INPP5A: variants seen among roughly 807,000 people sequenced by gnomAD.
INPP5A encodes inositol polyphosphate-5-phosphatase A.
Under a neutral mutation model 65.2 loss-of-function variants are expected in INPP5A, and 14 were observed. The observed-to-expected ratio is 0.21, with a 90% CI of 0.14 to 0.34. INPP5A has a LOEUF of 0.34. Ranked by LOEUF, INPP5A falls within the 10% of genes least tolerant of loss-of-function variation. INPP5A has a pLI of 1.00. For synonymous variants in INPP5A, 207 were observed against 208.3 expected, an observed-to-expected ratio of 0.99 and a Z score of 0.05; for missense variants, 431 against 545.6, an observed-to-expected ratio of 0.79 and a Z score of 2.09.
At chr10:132,625,645 C>G (rs557631365) in intron 2 of INPP5A, among the ~76,000 whole-genome samples, 1 of 152,272 alleles carries the variant, frequency 6.6e-6, no homozygotes, top group Admixed American at 6.5e-5. Context: ...AGGGGTGACC[C>G]CTGGCCAGTC....
chr10:132,782,000 CGTTT>C, intron 15 of INPP5A, 33 bp from the exon 16 acceptor site: 4 of 1,611,434 alleles, frequency 2.5e-6, no homozygotes, highest in Non-Finnish European at 2.5e-6. Flanking sequence ...TTTCCTGGTG[CGTTT>C]GTTCCTTTAA....
chr10:132,670,475 C>T (rs561512244), intron 4 of INPP5A, among the ~76,000 whole-genome samples: 65 of 139,356 alleles, frequency 4.7e-4, no homozygotes, highest in African/African-American at 1.7e-3. Context: ...TCTTCAGCCT[C>T]TCCTCTGCTG....
intron 12 of INPP5A, among the ~76,000 whole-genome samples, chr10:132,770,472 C>T (rs1265083672): frequency 1.3e-5 from 2 of 152,232 alleles, no homozygotes; most frequent in African/African-American, 4.8e-5. Context: ...TGGGGGCTCC[C>T]TGTGTCTGTG....
At chr10:132,729,861 T>C (rs1327617718) in intron 9 of INPP5A, among the ~76,000 whole-genome samples, 4 of 152,172 alleles carry the variant, frequency 2.6e-5, no homozygotes, top group Non-Finnish European at 5.9e-5. Flanking sequence ...TGTGAACTGG[T>C]GATAAACAGT....
chr10:132,740,789 G>C (rs763640547), intron 9 of INPP5A, among the ~76,000 whole-genome samples: 1 of 152,262 alleles, frequency 6.6e-6, no homozygotes, highest in Middle Eastern at 3.4e-3. Flanking sequence ...TCTTCCTGCC[G>C]TGCCTTTGGT....
intron 2 of INPP5A, among the ~76,000 whole-genome samples, chr10:132,625,852 GTGTGTGTGTGTGTGTGTGTGTGTGTT>G (rs1222684198): frequency 6.7e-6 from 1 of 148,254 alleles, no homozygotes; most frequent in East Asian, 1.9e-4. Flanking sequence ...GTGTGTGTGT[GTGTGTGTGTGTGTGTGTGTGTGTGTT>G]TGTGTGTGTG....
chr10:132,593,250 C>G (rs979760383), intron 1 of INPP5A, among the ~76,000 whole-genome samples: 1 of 152,174 alleles, frequency 6.6e-6, no homozygotes, highest in Non-Finnish European at 1.5e-5. Context: ...CCGTCTTCCC[C>G]GGTTCATAGG....
chr10:132,738,932 G>A (rs1846225779), intron 9 of INPP5A, among the ~76,000 whole-genome samples: 1 of 152,204 alleles, frequency 6.6e-6, no homozygotes, highest in South Asian at 2.1e-4. Context: ...CTCACGGTGG[G>A]CACTTTTGTC....
rs907378616 is a variant in INPP5A, at chr10:132,782,811, C to G, written c.*782C>G. The G allele has an allele frequency of 6.6e-6, 1 of 152,306 alleles. No individual in the cohort carries two copies. The highest frequency in any genetic ancestry group is 2.1e-4 in the South Asian group (1 of 4,826). The allele number at this position is 152,306 out of a possible 1,614,324, so 9.4% of individuals were successfully genotyped here. A position where few individuals can be genotyped will look rare whatever the true frequency, so the allele number is the denominator to read the frequency against. On this transcript the variant is annotated 3_prime_UTR_variant, in exon 16 of 16. Coordinates refer to ENST00000368594, the MANE Select transcript of INPP5A (RefSeq NM_005539.5). The surrounding 1 kb of genome is among the most constrained non-coding windows in gnomAD (Gnocchi z 4.4). Reference sequence around the variant, plus strand: ...CGTGGGTAAAATCGGCCCCACAGCACGTCTGCACCAGCGGGCCGTTACTCC... The same window carrying G: ...CGTGGGTAAAATCGGCCCCACAGCAGGTCTGCACCAGCGGGCCGTTACTCC...
intron 5 of INPP5A, among the ~76,000 whole-genome samples, chr10:132,693,061 T>C (rs1845294139): frequency 6.6e-6 from 1 of 152,232 alleles, no homozygotes; most frequent in Non-Finnish European, 1.5e-5. Context: ...AAGAAACCTG[T>C]ACTATCGTTT....
In INPP5A at chr10:132,707,258, C is replaced by T. The variant is rs576524580; in HGVS notation, c.475-1055C>T. 1.6e-4 allele frequency among the ~76,000 whole-genome samples: 25 copies of T among 152,324 alleles called. No individual in the cohort carries two copies. The East Asian group carries it at 2.1e-3, about 13-fold the overall frequency. ...AAGAACAGCAGCCCCTGTCCACCTCCGCCCCCGATGGCGCCAGGCATATGG... is the reference window on the plus strand; with the variant it reads ...AAGAACAGCAGCCCCTGTCCACCTCTGCCCCCGATGGCGCCAGGCATATGG... On this transcript the variant is annotated intron_variant, in intron 6 of 15. Transcript: ENST00000368594. The surrounding 1 kb of genome is among the most constrained non-coding windows in gnomAD (Gnocchi z 5.5).
In INPP5A at chr10:132,782,171, T is replaced by C; in HGVS notation, c.*142T>C. 3 of 1,405,744 alleles carry C rather than the reference T, an allele frequency of 2.1e-6. No homozygotes were observed. Among genetic ancestry groups the C allele is most frequent in the Non-Finnish European group, 2.9e-6 (3 of 1,028,360 alleles). The allele number at this position is 1,405,744 out of a possible 1,614,324, so 87.1% of individuals were successfully genotyped here. On this transcript the variant is annotated 3_prime_UTR_variant, in exon 16 of 16. Coordinates refer to ENST00000368594, the MANE Select transcript of INPP5A (RefSeq NM_005539.5). The surrounding 1 kb of genome is among the most constrained non-coding windows in gnomAD (Gnocchi z 4.4). ...TAGACGGCCAGCCCCACACTTCGCT[T>C]CAGCCTCCGGACCATTCCGGAGCAG...
At chr10:132,598,995 A>G (rs781397014) in intron 1 of INPP5A, among the ~76,000 whole-genome samples, 42 of 152,210 alleles carry the variant, frequency 2.8e-4, no homozygotes, top group Admixed American at 2.4e-3. Flanking sequence ...GGTTCTTCCC[A>G]TAACAGGTGG....
chr10:132,654,855 T>C (rs1489869100), intron 4 of INPP5A, among the ~76,000 whole-genome samples: 2 of 152,222 alleles, frequency 1.3e-5, no homozygotes, highest in African/African-American at 4.8e-5. Flanking sequence ...GGGACGCGGC[T>C]GAGGGGCTTT....
chr10:132,782,046 G>A lies in INPP5A; in HGVS notation c.*17G>A. The stretch of plus-strand genomic sequence containing the variant: ...ACGAATTCCGTGACAGGGAAGAGAT[G>A]CCAGCGCCACGAGAGGACACTTCGT... On this transcript the variant is annotated 3_prime_UTR_variant, in exon 16 of 16. Coordinates refer to ENST00000368594, the MANE Select transcript of INPP5A (RefSeq NM_005539.5). The surrounding 1 kb of genome is among the most constrained non-coding windows in gnomAD (Gnocchi z 4.4). 2 of 1,584,346 alleles carry A rather than the reference G, an allele frequency of 1.3e-6. No individual in the cohort carries two copies. Among genetic ancestry groups the A allele is most frequent in the African/African-American group, 1.3e-5 (1 of 74,528 alleles).
intron 9 of INPP5A, among the ~76,000 whole-genome samples, chr10:132,734,521 G>A (rs1226779213): frequency 6.6e-6 from 1 of 152,224 alleles, no homozygotes; most frequent in Non-Finnish European, 1.5e-5. Flanking sequence ...TTTTCACACA[G>A]GCCTGTGGAT....
At chr10:132,771,172 A>C (rs1225440084) in intron 12 of INPP5A, among the ~76,000 whole-genome samples, 3 of 152,178 alleles carry the variant, frequency 2.0e-5, no homozygotes, top group Admixed American at 2.0e-4. Flanking sequence ...AGATGCAGGC[A>C]CGCTCCCCTG....
Position 132,645,934 on chromosome 10 carries a change from G to C in INPP5A, c.184G>C (p.Glu62Gln). The C allele has an allele frequency of 6.2e-7, 1 of 1,613,910 alleles. No homozygotes were observed. Among genetic ancestry groups the C allele is most frequent in the South Asian group, 1.1e-5 (1 of 91,042 alleles). The change falls in exon 3 of 16, where the codon GAG becomes CAG. Residue 62 changes from glutamate to glutamine, a missense_variant. Transcript: ENST00000368594. Reference sequence around the variant, plus strand: ...TCAGGAGTTTGGAGGGAAGAACTACGAGGCCTCCATGTCCCACGTGGACAA... The same window carrying C: ...TCAGGAGTTTGGAGGGAAGAACTACCAGGCCTCCATGTCCCACGTGGACAA... ...HCQEFGGKNY[E>Q]ASMSHVDKFV... is the part of the protein sequence containing the mutation.
chr10:132,617,640 G>C (rs2072057974), intron 2 of INPP5A, among the ~76,000 whole-genome samples: 1 of 152,234 alleles, frequency 6.6e-6, no homozygotes. Flanking sequence ...TACATGGAGT[G>C]GAAGCTTCTG....
Sources: gnomAD v4.1 joint callset for allele counts (sites outside exome capture counted in the v4.1 genomes callset) on GRCh38, gnomAD v4.1.1 for gene constraint, Gnocchi (gnomAD v3.1) non-coding constraint, MANE v1.5 for transcripts, NCBI Gene and HGNC (gene_info 2026-07-23, HGNC 2026-07-21) for gene names.